Variants in SOX6 observed in about 807,000 individuals in gnomAD.
The protein encoded by SOX6 is transcription factor SOX-6.
SOX6 carries 11 observed loss-of-function variants against 97.8 expected under a neutral mutation model. The observed-to-expected ratio is 0.11, with a 90% CI of 0.07 to 0.19. The LOEUF is 0.19. Ranked by LOEUF, SOX6 falls within the 10% of genes least tolerant of loss-of-function variation. The probability of loss-of-function intolerance (pLI) is 1.00; values close to 1 mark genes in which losing one functional copy is unlikely to be tolerated. For synonymous variants in SOX6, 360 were observed against 371.4 expected (o/e 0.97, Z 0.35); for missense variants, 810 against 1,039.5 (o/e 0.78, Z 3.04).
chr11:16,148,046 G>A (rs1466680507), intron 6 of SOX6, among the ~76,000 whole-genome samples: 3 of 152,086 alleles, frequency 2.0e-5, no homozygotes, highest in African/African-American at 7.2e-5. Flanking sequence ...AAAAACAAGC[G>A]ATCTGTAATA....
upstream of SOX6, among the ~76,000 whole-genome samples, chr11:16,358,438 C>A (rs973792514): frequency 6.6e-6 from 1 of 152,068 alleles, no homozygotes; most frequent in African/African-American, 2.4e-5. Flanking sequence ...AGCAAACAAA[C>A]AGGGTAACTA....
At chr11:16,275,793 T>C (rs1036552979) in intron 3 of SOX6, among the ~76,000 whole-genome samples, 7 of 152,206 alleles carry the variant, frequency 4.6e-5, no homozygotes, top group Non-Finnish European at 7.4e-5. Flanking sequence ...TCACATGTAA[T>C]AATTTCAAGT....
intron 3 of SOX6, among the ~76,000 whole-genome samples, chr11:16,242,921 C>G (rs914439694): frequency 6.6e-6 from 1 of 151,858 alleles, no homozygotes; most frequent in Admixed American, 6.6e-5. Context: ...ATTCTATTTA[C>G]TTGAAACTCT....
At position 16,520,979 on chromosome 11, in the gene SOX6, G is replaced by T. The variant is rs1390803255; in HGVS notation, n.610-44591C>A. Among the ~76,000 whole-genome samples the T allele has an allele frequency of 3.9e-5, 6 of 152,336 alleles. No individual in the cohort carries two copies. The South Asian group carries it at 8.3e-4, about 21-fold the overall frequency. On this transcript the variant is annotated intron_variant and non_coding_transcript_variant, in intron 4 of 5. Transcript: ENST00000524520. ...CTTAGGTAAACAAAGCAGCCGGGAA[G>T]CTCGAACTGGGTGGAGCCTACCACA...
intron 4 of SOX6, among the ~76,000 whole-genome samples, chr11:16,587,488 C>T (rs547010340): frequency 6.6e-6 from 1 of 152,154 alleles, no homozygotes; most frequent in African/African-American, 2.4e-5. Flanking sequence ...ATTATTATCA[C>T]CATCTTATGA....
upstream of SOX6, among the ~76,000 whole-genome samples, chr11:16,479,848 C>CTTTCAAAATTTATCT (rs1421038389): frequency 8.6e-5 from 13 of 151,942 alleles, no homozygotes; most frequent in Non-Finnish European, 1.9e-4. Context: ...GATTTCAACG[C>CTTTCAAAATTTATCT]TACTTTCAAA....
rs143782682 is a variant in SOX6 at position 16,014,970 on chromosome 11, G to A, written c.1704C>T (p.Ile568=). The change falls in exon 13 of 16, where the codon ATC becomes ATT. Residue 568 remains isoleucine (I), a synonymous_variant. Coordinates refer to ENST00000683767, the MANE Select transcript of SOX6 (RefSeq NM_001367873.1). ...NEDGKLGPGV[I]DLTRPEDAEG... is the part of the protein sequence containing the mutation. ...CTGCATCTTCTGGCCGAGTAAGGTC[G>A]ATGACACCTGGGCCCAGTTTTCCAT... 21 of 1,612,758 alleles carry A rather than the reference G, an allele frequency of 1.3e-5. No homozygotes were observed. Among genetic ancestry groups the A allele is most frequent in the Middle Eastern group, 3.3e-4 (2 of 6,072 alleles).
chr11:16,560,360 C>T (rs1022415282), intron 4 of SOX6, among the ~76,000 whole-genome samples: 3 of 151,974 alleles, frequency 2.0e-5, no homozygotes, highest in African/African-American at 7.3e-5. Flanking sequence ...TAGCATTATG[C>T]CTAAAATGTA....
intron 2 of SOX6, among the ~76,000 whole-genome samples, chr11:16,734,026 C>CAAA (rs912566097): frequency 3.1e-5 from 2 of 64,894 alleles, no homozygotes; most frequent in Non-Finnish European, 3.2e-5. Flanking sequence ...GACTTTGTCT[C>CAAA]AAAAAAAAAA....
intron 3 of SOX6, among the ~76,000 whole-genome samples, chr11:16,302,566 C>CTTTTTTTTTTTT (rs71044096): frequency 1.6e-4 from 14 of 87,000 alleles, no homozygotes; most frequent in Admixed American, 3.0e-4. Flanking sequence ...TTCTTTTTTT[C>CTTTTTTTTTTTT]TTTTTTTTTT....
At chr11:16,015,406 C>T (rs1854854912) in intron 12 of SOX6, 2 of 259,296 alleles carry the variant, frequency 7.7e-6, no homozygotes, top group Admixed American at 1.0e-4. Flanking sequence ...TATTAAAATA[C>T]ACGGCTCAAT....
intron 10 of SOX6, among the ~76,000 whole-genome samples, chr11:16,051,315 C>T (rs1178168050): frequency 6.6e-6 from 1 of 152,044 alleles, no homozygotes; most frequent in Non-Finnish European, 1.5e-5. Flanking sequence ...ATGACAAAAT[C>T]GCTTGTCTAA....
chr11:16,297,262 CAA>C (rs1855121703), intron 3 of SOX6, among the ~76,000 whole-genome samples: 1 of 152,062 alleles, frequency 6.6e-6, no homozygotes, highest in Non-Finnish European at 1.5e-5. Flanking sequence ...ACCCAAGAAG[CAA>C]GTGTCTACTG....
At chr11:16,260,306 C>A (rs905538165) in intron 3 of SOX6, among the ~76,000 whole-genome samples, 2 of 152,002 alleles carry the variant, frequency 1.3e-5, no homozygotes, top group Admixed American at 6.6e-5. Flanking sequence ...GGGCCAATGT[C>A]CCAAATTTTA....
intron 3 of SOX6, among the ~76,000 whole-genome samples, chr11:16,655,695 G>C (rs762345841): frequency 6.6e-6 from 1 of 152,076 alleles, no homozygotes; most frequent in Non-Finnish European, 1.5e-5. Flanking sequence ...AAATATGTTA[G>C]CATTGCTGAT....
rs532936124 is a variant in SOX6 at position 16,318,372 on chromosome 11, C to T, written c.445+74G>A. The T allele has an allele frequency of 5.1e-6, 7 of 1,362,470 alleles. No homozygotes were observed. The South Asian group carries it at 7.2e-5, about 14-fold the overall frequency. The allele number at this position is 1,362,470 out of a possible 1,614,324, so 84.4% of individuals were successfully genotyped here. On this transcript the variant is annotated intron_variant, in intron 3 of 15. Coordinates refer to ENST00000683767, the MANE Select transcript of SOX6 (RefSeq NM_001367873.1). ...CACTTCTCTGACCCTTGAAATCCCACTTTTTTTTTTTTTTTAAGGCCTGGA... is the reference window on the plus strand; with the variant it reads ...CACTTCTCTGACCCTTGAAATCCCATTTTTTTTTTTTTTTTAAGGCCTGGA...
upstream of SOX6, among the ~76,000 whole-genome samples, chr11:16,358,622 C>A (rs1268801231): frequency 6.6e-6 from 1 of 151,988 alleles, no homozygotes; most frequent in Admixed American, 6.6e-5. Flanking sequence ...GAAGACAGGC[C>A]ATAAGAGGGA....
intron 3 of SOX6, among the ~76,000 whole-genome samples, chr11:16,303,294 A>G (rs900615222): frequency 1.3e-5 from 2 of 152,226 alleles, no homozygotes; most frequent in Admixed American, 6.5e-5. Context: ...GCTAAGATCC[A>G]TAACAGGCAT....
At chr11:16,070,108 T>C (rs1359475197) in intron 9 of SOX6, among the ~76,000 whole-genome samples, 2 of 152,240 alleles carry the variant, frequency 1.3e-5, no homozygotes, top group African/African-American at 2.4e-5. Flanking sequence ...TGTGCCGAGA[T>C]TGCGCCACTG....
Sources: gnomAD v4.1 joint callset for allele counts (sites outside exome capture counted in the v4.1 genomes callset) on GRCh38, gnomAD v4.1.1 for gene constraint, MANE v1.5 for transcripts, NCBI Gene and HGNC (gene_info 2026-07-23, HGNC 2026-07-21) for gene names.